Variants in NEO1 observed in about 807,000 individuals in gnomAD.
NEO1 encodes the protein neogenin 1.
A neutral mutation model predicts 159.7 loss-of-function variants in NEO1; 63 were observed. That is an observed-to-expected ratio of 0.39 (90% CI 0.32 to 0.49). The LOEUF (loss-of-function observed/expected upper bound fraction) is 0.49, where lower values mean the gene tolerates loss of function less well. Among genes scored for constraint, NEO1 ranks in the 20% least tolerant of loss-of-function variants. NEO1 has a pLI of 0.85. For missense variants in NEO1, 1,615 were observed against 1,831.0 expected, an observed-to-expected ratio of 0.88 and a Z score of 2.15; for synonymous variants, 633 against 662.0, an observed-to-expected ratio of 0.96 and a Z score of 0.67.
intron 25 of NEO1, among the ~76,000 whole-genome samples, chr15:73,289,889 G>A (rs923631264): frequency 2.0e-5 from 3 of 152,156 alleles, no homozygotes; most frequent in African/African-American, 7.2e-5. Flanking sequence ...AGCAGAGGTT[G>A]CAGTGAGCCA....
chr15:73,085,593 G>A (rs756122552), intron 1 of NEO1, among the ~76,000 whole-genome samples: 1 of 152,154 alleles, frequency 6.6e-6, no homozygotes, highest in Non-Finnish European at 1.5e-5. Context: ...CCCACCAACA[G>A]TGTATGGGAG....
chr15:73,156,041 C>G (rs1162375163), intron 5 of NEO1, among the ~76,000 whole-genome samples: 8 of 152,162 alleles, frequency 5.3e-5, no homozygotes, highest in Non-Finnish European at 1.2e-4. Flanking sequence ...CTTCCTATAT[C>G]TTTACATTGG....
intron 13 of NEO1, chr15:73,256,096 T>C (rs1033114317): frequency 1.3e-5 from 2 of 152,264 alleles, no homozygotes; most frequent in Admixed American, 6.5e-5. Context: ...CTTTATATTT[T>C]ATCTCTCCTG....
intron 7 of NEO1, among the ~76,000 whole-genome samples, chr15:73,178,665 T>G (rs529652126): frequency 1.0e-3 from 155 of 152,344 alleles, no homozygotes; most frequent in Admixed American, 1.6e-3. Context: ...TATTATAGTC[T>G]TAATAAATTA....
chr15:73,198,653 A>G (rs1422307572), intron 7 of NEO1, among the ~76,000 whole-genome samples: 1 of 151,790 alleles, frequency 6.6e-6, no homozygotes, highest in Non-Finnish European at 1.5e-5. Context: ...CTGTTTGATT[A>G]TTGTTCTTGC....
chr15:73,256,655 T>C (rs754711181), intron 13 of NEO1, among the ~76,000 whole-genome samples: 4 of 152,144 alleles, frequency 2.6e-5, no homozygotes, highest in Non-Finnish European at 5.9e-5. Flanking sequence ...AGAAGGTGAA[T>C]GTTTGTCTCC....
rs2042730145 is a variant in NEO1 at position 73,304,858 on chromosome 15, G to T, written c.*2162G>T. 1 of 152,036 alleles carries T rather than the reference G, an allele frequency of 6.6e-6. No homozygotes were observed. The highest frequency in any genetic ancestry group is 2.1e-4 in the South Asian group (1 of 4,818). The allele number at this position is 152,036 out of a possible 1,614,324, so 9.4% of individuals were successfully genotyped here. A position where few individuals can be genotyped will look rare whatever the true frequency, so the allele number is the denominator to read the frequency against. On this transcript the variant is annotated 3_prime_UTR_variant, in exon 29 of 29. Transcript: ENST00000261908. ...AAATAAAATAACTGTTCAAAGTTGG[G>T]GGTTTTTTAAAAAATTAAGAAAAAG...
intron 9 of NEO1, among the ~76,000 whole-genome samples, chr15:73,248,496 T>G (rs2039913047): frequency 6.6e-6 from 1 of 152,224 alleles, no homozygotes; most frequent in African/African-American, 2.4e-5. Flanking sequence ...TTGACTGGAA[T>G]GATTTTCCCC....
At chr15:73,214,097 AC>A (rs1233212408) in intron 7 of NEO1, among the ~76,000 whole-genome samples, 2 of 151,822 alleles carry the variant, frequency 1.3e-5, no homozygotes, top group African/African-American at 2.4e-5. Flanking sequence ...TCCTTAGCCC[AC>A]TTTTTGATGG....
chr15:73,151,976 C>A (rs1006917964), intron 5 of NEO1, among the ~76,000 whole-genome samples: 2 of 152,068 alleles, frequency 1.3e-5, no homozygotes, highest in African/African-American at 4.8e-5. Context: ...AATATCTGTG[C>A]CTTTAGTAAA....
At chr15:73,239,346 C>T (rs546223913) in intron 8 of NEO1, among the ~76,000 whole-genome samples, 19 of 152,082 alleles carry the variant, frequency 1.2e-4, no homozygotes, top group Non-Finnish European at 2.4e-4. Flanking sequence ...AGGTAACTGT[C>T]CTATAGACAT....
intron 1 of NEO1, among the ~76,000 whole-genome samples, chr15:73,095,733 T>C (rs762655536): frequency 6.6e-6 from 1 of 152,134 alleles, no homozygotes; most frequent in Non-Finnish European, 1.5e-5. Context: ...TTCAGTTGTT[T>C]TATTATCATT....
chr15:73,095,942 A>G (rs1026147736), intron 1 of NEO1, among the ~76,000 whole-genome samples: 5 of 152,216 alleles, frequency 3.3e-5, no homozygotes, highest in African/African-American at 1.2e-4. Context: ...TCAGAGCAGT[A>G]TGAATTCTGC....
In NEO1 at chr15:73,288,341, G is replaced by C. The variant is rs2042028143; in HGVS notation, c.3439G>C (p.Gly1147Arg). ...ACGAGCTGCCTGCAAATCAGTGAAT[G>C]GCTCTCATAAGTACAAAGGGAATTC... ...KKRAACKSVN[G>R]SHKYKGNSKD... is the part of the protein sequence containing the mutation. Residue 1147 changes from glycine to arginine, a missense_variant, in exon 24 of 29, where the codon GGC becomes CGC. By Grantham distance (125) the Gly-to-Arg change is moderately radical. Coordinates refer to ENST00000261908, the MANE Select transcript of NEO1 (RefSeq NM_002499.4). 1.2e-6 allele frequency: 2 copies of C among 1,613,710 alleles called. No individual in the cohort carries two copies. Among genetic ancestry groups the C allele is most frequent in the Non-Finnish European group, 1.7e-6 (2 of 1,179,664 alleles).
At chr15:73,213,934 G>GTTTTTTGA (rs1861486569) in intron 7 of NEO1, among the ~76,000 whole-genome samples, 1 of 152,116 alleles carries the variant, frequency 6.6e-6, no homozygotes, top group African/African-American at 2.4e-5. Context: ...AACATCTACT[G>GTTTTTTGA]TTTTTTGATT....
intron 5 of NEO1, among the ~76,000 whole-genome samples, chr15:73,156,326 G>A (rs1439408850): frequency 6.6e-6 from 1 of 152,170 alleles, no homozygotes; most frequent in Non-Finnish European, 1.5e-5. Context: ...ATGCCTCATG[G>A]GTCCTTCAGT....
chr15:73,251,336 C>T lies in NEO1; in HGVS notation c.1894+1615C>T, dbSNP rs568901097. Among the ~76,000 whole-genome samples, 32 of 151,774 alleles carry T rather than the reference C, an allele frequency of 2.1e-4. 1 individual carries two copies. The South Asian group carries it at 5.6e-3, about 27-fold the overall frequency. On this transcript the variant is annotated intron_variant, in intron 11 of 28. Coordinates refer to ENST00000261908, the MANE Select transcript of NEO1 (RefSeq NM_002499.4). ...GACCAGCCTGGACAACATGACAAAACGCCATCTCTACTTAAAAAATAATAA... is the reference window on the plus strand; with the variant it reads ...GACCAGCCTGGACAACATGACAAAATGCCATCTCTACTTAAAAAATAATAA...
intron 5 of NEO1, among the ~76,000 whole-genome samples, chr15:73,173,825 C>T (rs1042404944): frequency 1.3e-5 from 2 of 152,004 alleles, no homozygotes; most frequent in African/African-American, 2.4e-5. Flanking sequence ...AATGGCCGGT[C>T]GCGGTGGCTC....
At chr15:73,118,152 T>G (rs1014433537) in intron 2 of NEO1, among the ~76,000 whole-genome samples, 2 of 152,128 alleles carry the variant, frequency 1.3e-5, no homozygotes, top group African/African-American at 4.8e-5. Context: ...TCCAGTGAAT[T>G]CTGCTTAGTA....
Sources: gnomAD v4.1 joint callset for allele counts (sites outside exome capture counted in the v4.1 genomes callset) on GRCh38, gnomAD v4.1.1 for gene constraint, MANE v1.5 for transcripts, NCBI Gene and HGNC (gene_info 2026-07-23, HGNC 2026-07-21) for gene names.